The following ATP8A1 variants were observed in gnomAD, a reference collection of about 807,000 sequenced individuals.
ATP8A1 encodes the protein phospholipid-transporting ATPase IA.
Under a neutral mutation model 177.7 loss-of-function variants are expected in ATP8A1, and 90 were observed. That is an observed-to-expected ratio of 0.51 (90% CI 0.43 to 0.60). ATP8A1 has a LOEUF of 0.60. Among genes scored for constraint, ATP8A1 ranks in the 20% least tolerant of loss-of-function variants. The pLI is 0.00. For synonymous variants in ATP8A1, 493 were observed against 485.9 expected (o/e 1.01, Z -0.19); for missense variants, 1,072 against 1,392.8 (o/e 0.77, Z 3.67).
At chr4:42,615,577 C>T (rs1477211207) in intron 5 of ATP8A1, among the ~76,000 whole-genome samples, 2 of 152,298 alleles carry the variant, frequency 1.3e-5, no homozygotes, top group Middle Eastern at 3.4e-3. Context: ...TGTACAGAAG[C>T]AGGCCGGGTT....
chr4:42,588,377 G>T, intron 7 of ATP8A1, 48 bp from the exon 8 acceptor site: 1 of 1,472,236 alleles, frequency 6.8e-7, no homozygotes, highest in Non-Finnish European at 9.5e-7. Flanking sequence ...GGGAAGAAAA[G>T]CATAATAATA....
intron 24 of ATP8A1, among the ~76,000 whole-genome samples, chr4:42,496,810 C>CA (rs1285616547): frequency 5.3e-5 from 8 of 151,446 alleles, no homozygotes; most frequent in Admixed American, 2.6e-4. Flanking sequence ...ATACCCCCCC[C>CA]CACACATATA....
At chr4:42,647,107 T>TGACACAAGG (rs1740613801) in intron 1 of ATP8A1, among the ~76,000 whole-genome samples, 1 of 151,796 alleles carries the variant, frequency 6.6e-6, no homozygotes, top group South Asian at 2.1e-4. Context: ...ACCTCTAAAC[T>TGACACAAGG]GCCAAGTCAA....
chr4:42,509,985 T>C (rs374348900), intron 22 of ATP8A1, among the ~76,000 whole-genome samples: 41 of 152,264 alleles, frequency 2.7e-4, no homozygotes, highest in African/African-American at 7.5e-4. Context: ...TGTAAATGCA[T>C]GAGTATGGTA....
At chr4:42,619,882 C>T (rs1400151852) in intron 4 of ATP8A1, among the ~76,000 whole-genome samples, 1 of 152,158 alleles carries the variant, frequency 6.6e-6, no homozygotes, top group Non-Finnish European at 1.5e-5. Flanking sequence ...CATAGAAGAA[C>T]TGAGATTCCA....
chr4:42,437,362 A>G (rs558647165), intron 33 of ATP8A1, among the ~76,000 whole-genome samples: 1 of 152,352 alleles, frequency 6.6e-6, no homozygotes, highest in African/African-American at 2.4e-5. Flanking sequence ...TTTATATAAC[A>G]TAGCACTTTT....
intron 12 of ATP8A1, among the ~76,000 whole-genome samples, chr4:42,576,785 G>C (rs1732509280): frequency 6.6e-6 from 1 of 152,144 alleles, no homozygotes; most frequent in Non-Finnish European, 1.5e-5. Flanking sequence ...CCTTTGTTCA[G>C]AAGAGAAAGT....
chr4:42,523,244 G>C (rs1726326913), intron 21 of ATP8A1, among the ~76,000 whole-genome samples: 1 of 152,252 alleles, frequency 6.6e-6, no homozygotes, highest in Non-Finnish European at 1.5e-5. Context: ...GAAAAGAGTA[G>C]ATGCATTGGA....
intron 19 of ATP8A1, among the ~76,000 whole-genome samples, chr4:42,545,478 G>A (rs1296191604): frequency 6.6e-6 from 1 of 152,118 alleles, no homozygotes; most frequent in Non-Finnish European, 1.5e-5. Flanking sequence ...AAAGTTACCC[G>A]GCCATAGAGA....
chr4:42,460,774 C>A (rs1389494524), intron 27 of ATP8A1, among the ~76,000 whole-genome samples: 1 of 152,096 alleles, frequency 6.6e-6, no homozygotes, highest in East Asian at 1.9e-4. Flanking sequence ...TGTAAGGGAA[C>A]CCTCAGCAGA....
At chr4:42,621,191 T>C (rs1325553878) in intron 4 of ATP8A1, among the ~76,000 whole-genome samples, 1 of 152,206 alleles carries the variant, frequency 6.6e-6, no homozygotes, top group Non-Finnish European at 1.5e-5. Flanking sequence ...ATCAAGTATG[T>C]CATTTCCAAT....
At chr4:42,585,527 G>A (rs764311799) in intron 9 of ATP8A1, among the ~76,000 whole-genome samples, 60 of 146,494 alleles carry the variant, frequency 4.1e-4, no homozygotes, top group Non-Finnish European at 7.0e-4. Flanking sequence ...CATACTAGAT[G>A]ACATCTATGA....
chr4:42,418,069 C>T (rs537248512), intron 35 of ATP8A1, among the ~76,000 whole-genome samples: 1 of 152,274 alleles, frequency 6.6e-6, no homozygotes, highest in East Asian at 1.9e-4. Context: ...TTCCTTTCTA[C>T]TAGTTCTGGA....
intron 25 of ATP8A1, among the ~76,000 whole-genome samples, chr4:42,475,692 T>C (rs866531845): frequency 4.6e-5 from 7 of 152,146 alleles, no homozygotes; most frequent in South Asian, 4.1e-4. Flanking sequence ...TATTAGCTCA[T>C]TTATTCTTCA....
intron 25 of ATP8A1, among the ~76,000 whole-genome samples, chr4:42,476,465 A>C (rs1721075574): frequency 6.6e-6 from 1 of 151,960 alleles, no homozygotes; most frequent in African/African-American, 2.4e-5. Flanking sequence ...CTAAAAATAC[A>C]AAAATTAGCC....
chr4:42,546,771 A>C (rs1468947511), intron 19 of ATP8A1, among the ~76,000 whole-genome samples: 1 of 151,922 alleles, frequency 6.6e-6, no homozygotes, highest in East Asian at 1.9e-4. Context: ...TACTTCTCAA[A>C]CTTCTTACCT....
At chr4:42,609,213 G>A (rs9993761) in intron 5 of ATP8A1, among the ~76,000 whole-genome samples, 26 of 152,018 alleles carry the variant, frequency 1.7e-4, no homozygotes, top group African/African-American at 6.0e-4. Flanking sequence ...TCACTGAGAG[G>A]TTAAAACTGA....
rs1268881606 is a variant in ATP8A1, at chr4:42,591,139, A to G, written c.451-255T>C. ...TTTAAAGTTTTAGTGTGAAAACTTAATTTTTAAAAGTTTACTCATAAGCTT... is the reference window on the plus strand; with the variant it reads ...TTTAAAGTTTTAGTGTGAAAACTTAGTTTTTAAAAGTTTACTCATAAGCTT... On this transcript the variant is annotated intron_variant, in intron 6 of 36. Transcript: ENST00000381668. 2.6e-5 allele frequency among the ~76,000 whole-genome samples: 4 copies of G among 152,148 alleles called. No individual in the cohort carries two copies. The East Asian group carries it at 7.7e-4, about 29-fold the overall frequency.
At chr4:42,544,525 T>C (rs1288448936) in intron 19 of ATP8A1, among the ~76,000 whole-genome samples, 5 of 152,214 alleles carry the variant, frequency 3.3e-5, no homozygotes, top group Admixed American at 6.5e-5. Flanking sequence ...ACTTAATTTA[T>C]GCAGCAAAAT....
Sources: allele counts gnomAD v4.1 joint callset (sites outside exome capture counted in the v4.1 genomes callset), GRCh38; gene constraint gnomAD v4.1.1; transcripts MANE v1.5; gene names NCBI Gene and HGNC (gene_info 2026-07-23, HGNC 2026-07-21).